PDE3A: variants seen among roughly 807,000 people sequenced by gnomAD.
PDE3A encodes the protein phosphodiesterase 3A.
PDE3A carries 43 observed loss-of-function variants against 98.3 expected under a neutral mutation model. The ratio of observed to expected loss-of-function variants is 0.44; its 90% CI spans 0.34 to 0.56. The LOEUF is 0.56. Among genes scored for constraint, PDE3A ranks in the 20% least tolerant of loss-of-function variants. The pLI, the probability that PDE3A is intolerant of heterozygous loss-of-function variation, is 0.01. For missense variants in PDE3A, 1,427 were observed against 1,440.7 expected (o/e 0.99, Z 0.15); for synonymous variants, 663 against 567.9 (o/e 1.17, Z -2.38).
chr12:20,377,836 A>T (rs1943598920), intron 1 of PDE3A, among the ~76,000 whole-genome samples: 1 of 151,732 alleles, frequency 6.6e-6, no homozygotes, highest in Admixed American at 6.6e-5. Context: ...CCAGTTAATT[A>T]TGAATTTGCC....
intron 1 of PDE3A, among the ~76,000 whole-genome samples, chr12:20,412,407 A>G (rs1944349292): frequency 6.6e-6 from 1 of 152,168 alleles, no homozygotes; most frequent in Non-Finnish European, 1.5e-5. Flanking sequence ...AGAAATTATT[A>G]GTGTTCCTTT....
rs750234122 is a variant in PDE3A, at chr12:20,654,163, G to A, written c.3142G>A (p.Ala1048Thr). Residue 1048 changes from alanine to threonine, a missense_variant, in exon 15 of 16, where the codon GCA becomes ACA. Physicochemically the swap from Ala to Thr is moderately conservative, Grantham distance 58. Transcript: ENST00000359062. ...DPEEEEEEAP[A>T]PNEEETCENN... ...AGAAGAAGAGGAGGAAGAAGCACCAGCACCAAATGAAGAGGAAACCTGTGA... is the reference window on the plus strand; with the variant it reads ...AGAAGAAGAGGAGGAAGAAGCACCAACACCAAATGAAGAGGAAACCTGTGA... 1.2e-6 allele frequency: 2 copies of A among 1,614,054 alleles called. No individual in the cohort carries two copies. Among genetic ancestry groups the A allele is most frequent in the South Asian group, 1.1e-5 (1 of 91,086 alleles).
At position 20,369,924 on chromosome 12, in the gene PDE3A, A is replaced by G. The variant is rs776165786; in HGVS notation, c.640A>G (p.Met214Val). Residue 214 changes from methionine to valine, a missense_variant, in exon 1 of 16, where the codon ATG (methionine) becomes GTG (valine). Around this residue, in one of 3 missense-constraint regions of PDE3A, gnomAD observed 1,012 missense variants for 886.5 expected, o/e 1.14. Transcript: ENST00000359062. The stretch of plus-strand genomic sequence containing the variant: ...GCTGAGGCTGAGGCTGGGCGTCCTC[A>G]TGATCGCCTTGACTAGCGCGGTCAG... ...LVLRLRLGVLMIALTSAVRTV... is the reference protein window; with the variant it reads ...LVLRLRLGVLVIALTSAVRTV... 93 of 1,613,312 alleles carry G rather than the reference A, an allele frequency of 5.8e-5. No individual in the cohort carries two copies. Among genetic ancestry groups the G allele is most frequent in the Non-Finnish European group, 7.8e-5 (92 of 1,179,980 alleles).
At chr12:20,472,389 C>T (rs1273257907) in intron 1 of PDE3A, among the ~76,000 whole-genome samples, 1 of 152,122 alleles carries the variant, frequency 6.6e-6, no homozygotes, top group African/African-American at 2.4e-5. Flanking sequence ...TTGTACATTC[C>T]TACAACATCG....
At chr12:20,441,681 G>A (rs1944873135) in intron 1 of PDE3A, among the ~76,000 whole-genome samples, 1 of 152,128 alleles carries the variant, frequency 6.6e-6, no homozygotes, top group Admixed American at 6.5e-5. Context: ...CTACAGGGAA[G>A]GATGGATATT....
intron 1 of PDE3A, among the ~76,000 whole-genome samples, chr12:20,458,392 A>T (rs1945189582): frequency 2.0e-5 from 3 of 152,092 alleles, no homozygotes; most frequent in Non-Finnish European, 4.4e-5. Context: ...CAAAAAAAAA[A>T]AACCAATTTT....
At chr12:20,474,835 A>G (rs1380552895) in intron 1 of PDE3A, among the ~76,000 whole-genome samples, 1 of 152,166 alleles carries the variant, frequency 6.6e-6, no homozygotes, top group Non-Finnish European at 1.5e-5. Flanking sequence ...CCTATCTCAA[A>G]ATCCTTAATT....
chr12:20,641,230 C>T (rs1944641784), intron 10 of PDE3A, among the ~76,000 whole-genome samples: 1 of 152,036 alleles, frequency 6.6e-6, no homozygotes, highest in African/African-American at 2.4e-5. Flanking sequence ...GACCAAAATA[C>T]AGACAGAGTA....
intron 1 of PDE3A, among the ~76,000 whole-genome samples, chr12:20,543,084 T>C (rs561103205): frequency 8.6e-5 from 13 of 152,044 alleles, no homozygotes; most frequent in Non-Finnish European, 1.8e-4. Context: ...GCTTAGGGGT[T>C]TGGGTTTCAC....
chr12:20,616,760 C>A (rs543386162), intron 4 of PDE3A, among the ~76,000 whole-genome samples: 1 of 151,948 alleles, frequency 6.6e-6, no homozygotes. Flanking sequence ...ATCCCCCAGC[C>A]CAGTCATTAG....
In PDE3A at chr12:20,685,445, G is replaced by A. The variant is rs1285351082; in HGVS notation, c.*5174G>A. ...AAAAAAAAAAAAAGAACATTTTTTG[G>A]CAAAATATGAAGACACGAAACTGAA... On this transcript the variant is annotated 3_prime_UTR_variant, in exon 16 of 16. Transcript: ENST00000359062. Among the ~76,000 whole-genome samples, 1 of 142,590 alleles carries A rather than the reference G, an allele frequency of 7.0e-6. No individual in the cohort carries two copies. The highest frequency in any genetic ancestry group is 1.5e-5 in the Non-Finnish European group (1 of 65,728). The allele number at this position is 142,590 out of a possible 152,430, so 93.5% of individuals were successfully genotyped here.
intron 1 of PDE3A, chr12:20,551,922 G>C (rs1942216107): frequency 6.2e-7 from 1 of 1,613,332 alleles, no homozygotes. Context: ...CCATGTGGCG[G>C]TTCCGAGTCC....
intron 1 of PDE3A, among the ~76,000 whole-genome samples, chr12:20,488,663 T>C (rs886725447): frequency 6.6e-6 from 1 of 151,886 alleles, no homozygotes; most frequent in South Asian, 2.1e-4. Flanking sequence ...TGAGACATCT[T>C]TACAACAACA....
rs562515527 is a variant in PDE3A at position 20,494,503 on chromosome 12, A to G, written c.961-62157A>G. On this transcript the variant is annotated intron_variant, in intron 1 of 15. Coordinates refer to ENST00000359062, the MANE Select transcript of PDE3A (RefSeq NM_000921.5). The stretch of plus-strand genomic sequence containing the variant: ...GTGTGTAGGTACATTTCTTAACAGA[A>G]TAATGTATCTCGTGAGTGTTATGTA... 8.5e-5 allele frequency among the ~76,000 whole-genome samples: 13 copies of G among 152,106 alleles called. No homozygotes were observed. The East Asian group carries it at 2.3e-3, about 27-fold the overall frequency.
intron 2 of PDE3A, among the ~76,000 whole-genome samples, chr12:20,593,298 C>T (rs773727606): frequency 2.6e-5 from 4 of 151,966 alleles, no homozygotes; most frequent in Admixed American, 1.3e-4. Flanking sequence ...TAGTAGAGCA[C>T]GTGGAGATGT....
intron 2 of PDE3A, among the ~76,000 whole-genome samples, chr12:20,595,437 G>T (rs994644752): frequency 6.6e-6 from 1 of 152,110 alleles, no homozygotes; most frequent in Non-Finnish European, 1.5e-5. Flanking sequence ...CACTGCATAT[G>T]CTTTGAAGAC....
intron 1 of PDE3A, among the ~76,000 whole-genome samples, chr12:20,446,144 C>A (rs1410133400): frequency 9.2e-5 from 14 of 152,170 alleles, no homozygotes; most frequent in Admixed American, 9.2e-4. Flanking sequence ...CCATCCAAAG[C>A]AAAACTAGGA....
At chr12:20,489,755 G>C (rs1945797857) in intron 1 of PDE3A, among the ~76,000 whole-genome samples, 1 of 152,146 alleles carries the variant, frequency 6.6e-6, no homozygotes, top group African/African-American at 2.4e-5. Flanking sequence ...TTTAGATGTT[G>C]ATGACAGATG....
At chr12:20,676,389 T>A (rs1945639594) in intron 15 of PDE3A, among the ~76,000 whole-genome samples, 3 of 152,134 alleles carry the variant, frequency 2.0e-5, no homozygotes, top group Non-Finnish European at 4.4e-5. Flanking sequence ...TCCCATTATC[T>A]CCTGGACTGA....
Sources: gnomAD v4.1 joint callset for allele counts (sites outside exome capture counted in the v4.1 genomes callset) on GRCh38, gnomAD v4.1.1 for gene constraint, gnomAD v4.1.1 regional missense constraint, MANE v1.5 for transcripts, NCBI Gene and HGNC (gene_info 2026-07-23, HGNC 2026-07-21) for gene names.